Variants in PDE4D observed in about 807,000 individuals in gnomAD.
PDE4D encodes phosphodiesterase 4D.
A neutral mutation model predicts 87.4 loss-of-function variants in PDE4D; 24 were observed. The ratio of observed to expected loss-of-function variants is 0.27; its 90% CI spans 0.20 to 0.39. The LOEUF (loss-of-function observed/expected upper bound fraction) is 0.39, where lower values mean the gene tolerates loss of function less well. Among genes scored for constraint, PDE4D ranks in the 10% least tolerant of loss-of-function variants. The pLI is 1.00. For synonymous variants in PDE4D, 384 were observed against 383.2 expected, an observed-to-expected ratio of 1.00 and a Z score of -0.02; for missense variants, 714 against 1,041.0, an observed-to-expected ratio of 0.69 and a Z score of 4.32.
chr5:60,083,867 G>A (rs1324909548), intron 2 of PDE4D, among the ~76,000 whole-genome samples: 1 of 152,106 alleles, frequency 6.6e-6, no homozygotes, highest in East Asian at 1.9e-4. Context: ...TTATGGTCTG[G>A]CCTGGTGGGA....
chr5:59,223,158 C>A (rs940945013), intron 1 of PDE4D, among the ~76,000 whole-genome samples: 1 of 152,186 alleles, frequency 6.6e-6, no homozygotes, highest in Non-Finnish European at 1.5e-5. Flanking sequence ...CTCCACCCAA[C>A]TCCATAATTC....
chr5:59,726,228 GAACAT>G (rs1756572547), intron 1 of PDE4D, among the ~76,000 whole-genome samples: 1 of 151,970 alleles, frequency 6.6e-6, no homozygotes, highest in African/African-American at 2.4e-5. Context: ...TAGATCATGT[GAACAT>G]AACTAATTAT....
intron 1 of PDE4D, among the ~76,000 whole-genome samples, chr5:59,678,759 C>A (rs1322953588): frequency 6.6e-6 from 1 of 152,160 alleles, no homozygotes; most frequent in Non-Finnish European, 1.5e-5. Flanking sequence ...CCGCACCTGG[C>A]CTGTTTTAAA....
intron 5 of PDE4D, among the ~76,000 whole-genome samples, chr5:59,163,585 C>T (rs1781480115): frequency 6.6e-6 from 1 of 152,168 alleles, no homozygotes; most frequent in Admixed American, 6.5e-5. Flanking sequence ...AATGAACAAT[C>T]TATCGTACAA....
At chr5:59,003,308 CTATT>C (rs1750915291) in intron 6 of PDE4D, among the ~76,000 whole-genome samples, 1 of 152,190 alleles carries the variant, frequency 6.6e-6, no homozygotes, top group African/African-American at 2.4e-5. Flanking sequence ...TTCAGCTGCT[CTATT>C]ACATTTGCTC....
intron 1 of PDE4D, among the ~76,000 whole-genome samples, chr5:59,541,954 T>C (rs1396376875): frequency 2.0e-5 from 3 of 152,170 alleles, no homozygotes; most frequent in Non-Finnish European, 4.4e-5. Context: ...ATCTACTTCA[T>C]GGACACTAGA....
chr5:59,003,557 T>C (rs958237050), intron 6 of PDE4D, among the ~76,000 whole-genome samples: 1 of 152,240 alleles, frequency 6.6e-6, no homozygotes, highest in Non-Finnish European at 1.5e-5. Context: ...ATTAAGCTCC[T>C]ACTCTATGTC....
intron 6 of PDE4D, among the ~76,000 whole-genome samples, chr5:58,996,259 T>C (rs187732707): frequency 1.3e-5 from 2 of 152,270 alleles, no homozygotes; most frequent in Admixed American, 6.5e-5. Flanking sequence ...GTTCTGCACA[T>C]GTATACCAGA....
intron 5 of PDE4D, among the ~76,000 whole-genome samples, chr5:59,113,697 T>A (rs920208421): frequency 1.3e-5 from 2 of 152,214 alleles, no homozygotes; most frequent in Admixed American, 6.5e-5. Context: ...GTGACCAATC[T>A]TGGAAACAGA....
chr5:60,139,652 A>G (rs1780353863), intron 2 of PDE4D, among the ~76,000 whole-genome samples: 1 of 152,056 alleles, frequency 6.6e-6, no homozygotes, highest in Non-Finnish European at 1.5e-5. Flanking sequence ...GAAGGGAAAA[A>G]TAGGCTACTC....
intron 3 of PDE4D, among the ~76,000 whole-genome samples, chr5:59,981,434 A>G (rs750840469): frequency 3.9e-5 from 6 of 152,182 alleles, no homozygotes; most frequent in Non-Finnish European, 7.4e-5. Flanking sequence ...ATCAAAACCA[A>G]AAGAATCCAA....
At chr5:59,274,214 G>A (rs1025127843) in intron 1 of PDE4D, among the ~76,000 whole-genome samples, 10 of 152,022 alleles carry the variant, frequency 6.6e-5, no homozygotes, top group Admixed American at 1.3e-4. Context: ...TTTATTGCAC[G>A]TGTTATTTTG....
At position 60,045,191 on chromosome 5, in the gene PDE4D, C is replaced by T. The variant is rs549006991; in HGVS notation, c.43-56474G>A. On this transcript the variant is annotated intron_variant, in intron 2 of 16. Transcript: ENST00000502484. ...TTGAGAAGTGTCTGTTCATGTCCACCCACTTTTTGATGGGGTTGTTTGTTT... is the reference window on the plus strand; with the variant it reads ...TTGAGAAGTGTCTGTTCATGTCCACTCACTTTTTGATGGGGTTGTTTGTTT... Among the ~76,000 whole-genome samples the T allele has an allele frequency of 4.8e-3, 725 of 150,416 alleles. 7 individuals are homozygous for T. Among genetic ancestry groups the T allele is most frequent in the African/African-American group, 0.016 (665 of 41,110 alleles).
At chr5:59,594,291 A>ATTTT (rs1166979446) in intron 1 of PDE4D, among the ~76,000 whole-genome samples, 52 of 138,182 alleles carry the variant, frequency 3.8e-4, no homozygotes, top group South Asian at 2.1e-3. Flanking sequence ...TAACTTTTTT[A>ATTTT]TTTTATTTAT....
chr5:59,622,675 C>T lies in PDE4D; in HGVS notation c.455+270493G>A, dbSNP rs960267399. Among the ~76,000 whole-genome samples the T allele has an allele frequency of 3.9e-5, 6 of 152,162 alleles. No homozygotes were observed. In the South Asian group the frequency reaches 6.2e-4, roughly 16 times the overall value. On this transcript the variant is annotated intron_variant, in intron 1 of 14. Transcript: ENST00000340635. ...GGAAGACCTACTGTAGTTGCCAAAG[C>T]GCATCAGCACCTGGGAGACTATTTT...
At chr5:60,420,670 G>A (rs1743006160) in intron 1 of PDE4D, among the ~76,000 whole-genome samples, 1 of 152,206 alleles carries the variant, frequency 6.6e-6, no homozygotes, top group South Asian at 2.1e-4. Context: ...TCCAACTGAG[G>A]TACTTGGTTC....
In PDE4D at chr5:59,657,731, A is replaced by G. The variant is rs569592026; in HGVS notation, c.455+235437T>C. Reference sequence around the variant, plus strand: ...TCGCAATTCTTCTTCAAACTAGTTCACACTTATGTTATTAGTTAGCTCACA... The same window carrying G: ...TCGCAATTCTTCTTCAAACTAGTTCGCACTTATGTTATTAGTTAGCTCACA... On this transcript the variant is annotated intron_variant, in intron 1 of 14. Transcript: ENST00000340635. Among the ~76,000 whole-genome samples, 16 of 152,334 alleles carry G rather than the reference A, an allele frequency of 1.1e-4. 1 individual carries two copies. The South Asian group carries it at 3.3e-3, about 32-fold the overall frequency.
intron 1 of PDE4D, among the ~76,000 whole-genome samples, chr5:59,837,917 T>C (rs183014061): frequency 2.2e-4 from 34 of 152,212 alleles, no homozygotes; most frequent in African/African-American, 8.2e-4. Flanking sequence ...GGCTCACTGA[T>C]AGGTTCTACT....
At chr5:60,042,480 A>G (rs571112843) in intron 2 of PDE4D, among the ~76,000 whole-genome samples, 2 of 152,150 alleles carry the variant, frequency 1.3e-5, no homozygotes, top group African/African-American at 4.8e-5. Context: ...TGGGTCCCTC[A>G]CCCCCGTGCC....
Sources: allele counts gnomAD v4.1 joint callset (sites outside exome capture counted in the v4.1 genomes callset), GRCh38; gene constraint gnomAD v4.1.1; transcripts MANE v1.5; gene names NCBI Gene and HGNC (gene_info 2026-07-23, HGNC 2026-07-21).